Variants in ZMYM6 observed in about 807,000 individuals in gnomAD.
The protein encoded by ZMYM6 is zinc finger MYM-type protein 6.
A neutral mutation model predicts 134.0 loss-of-function variants in ZMYM6; 90 were observed. The observed-to-expected ratio is 0.67, with a 90% confidence interval of 0.57 to 0.80. The LOEUF (loss-of-function observed/expected upper bound fraction) is 0.80, where lower values mean the gene tolerates loss of function less well. ZMYM6 is among the 30% of genes least tolerant of loss of function. The probability of loss-of-function intolerance (pLI) is 0.00; values close to 1 mark genes in which losing one functional copy is unlikely to be tolerated. For missense variants in ZMYM6, 1,362 were observed against 1,533.9 expected, an observed-to-expected ratio of 0.89 and a Z score of 1.87; for synonymous variants, 481 against 524.1, an observed-to-expected ratio of 0.92 and a Z score of 1.12.
chr1:35,010,098 C>T (rs1329377490), intron 10 of ZMYM6, among the ~76,000 whole-genome samples: 2 of 152,106 alleles, frequency 1.3e-5, no homozygotes, highest in African/African-American at 4.8e-5. Context: ...CAACCTCTGC[C>T]TCTGAGGTTC....
Position 35,010,435 on chromosome 1 carries a change from CTT to C in ZMYM6, c.1492+10_1492+11del. The C allele has an allele frequency of 6.2e-7, 1 of 1,600,344 alleles. No homozygotes were observed. Among genetic ancestry groups the C allele is most frequent in the Non-Finnish European group, 8.5e-7 (1 of 1,176,520 alleles). On this transcript the variant is annotated intron_variant, in intron 10 of 15. Coordinates refer to ENST00000357182, the MANE Select transcript of ZMYM6 (RefSeq NM_007167.4). ...AACCCATGCTCTGTGAATAAAACAA[CTT>C]TGTCTTTACCTTCACTACAGAATGG...
At chr1:35,030,208 T>C (rs912094637) in intron 2 of ZMYM6, 15 of 183,480 alleles carry the variant, frequency 8.2e-5, no homozygotes, top group South Asian at 7.2e-4. Context: ...GGTGGGTGGA[T>C]TGCTTGAGCT....
intron 2 of ZMYM6, among the ~76,000 whole-genome samples, chr1:35,027,162 G>A (rs1001344703): frequency 6.6e-6 from 1 of 152,194 alleles, no homozygotes; most frequent in Non-Finnish European, 1.5e-5. Flanking sequence ...ATGCAACCGA[G>A]TTTTAGAAGA....
In ZMYM6 at chr1:34,988,676, A is replaced by G. The variant is rs1371049424; in HGVS notation, c.2406T>C (p.Asp802=). ...KHSELENKPV[D]FFEQKSLEME... ...TTTCTAAAGATTTTTGTTCAAAAAA[A>G]TCTACTGGTTTGTTTTCTAATTCTG... The change falls in exon 16 of 16, where the codon GAT becomes GAC. Residue 802 remains aspartate (D), a synonymous_variant. Transcript: ENST00000357182. 1 of 1,547,854 alleles carries G rather than the reference A, an allele frequency of 6.5e-7. No homozygotes were observed.
At chr1:35,006,013 C>CT (rs1426874393) in intron 12 of ZMYM6, among the ~76,000 whole-genome samples, 1 of 151,954 alleles carries the variant, frequency 6.6e-6, no homozygotes, top group East Asian at 1.9e-4. Flanking sequence ...TAGCAAGTGG[C>CT]TTTTTTTTCT....
rs1641150120 is a variant in ZMYM6, at chr1:35,014,745, G to C, written c.747C>G (p.Cys249Trp). The C allele has an allele frequency of 6.2e-7, 1 of 1,614,124 alleles. No individual in the cohort carries two copies. The highest frequency in any genetic ancestry group is 8.5e-7 in the Non-Finnish European group (1 of 1,180,024). ...GSYCYSSSGP[C>W]QSQKVFSSTS... ...TTGAACTAAAAACCTTCTGGGATTG[G>C]CAAGGACCAGAGCTACTATAGCAAT... Residue 249 changes from cysteine to tryptophan, a missense_variant, in exon 6 of 16, where the codon TGC (cysteine) becomes TGG (tryptophan). Transcript: ENST00000357182.
Position 34,987,519 on chromosome 1 carries a change from A to G in ZMYM6, c.3563T>C (p.Phe1188Ser). ...TTGAGAAAGTCCTTCCAGGTGCTCA[A>G]AAATAATCCTTGTGATGTCTGTCAT... ...LNMTDITRII[F>S]EHLEGLSQVF... Residue 1188 changes from phenylalanine (F) to serine (S), a missense_variant, in exon 16 of 16, where the codon TTT (phenylalanine) becomes TCT (serine). Transcript: ENST00000357182. 1 of 1,613,360 alleles carries G rather than the reference A, an allele frequency of 6.2e-7. No homozygotes were observed. Among genetic ancestry groups the G allele is most frequent in the Non-Finnish European group, 8.5e-7 (1 of 1,179,682 alleles).
intron 14 of ZMYM6, among the ~76,000 whole-genome samples, chr1:35,001,568 T>C (rs1640881892): frequency 6.6e-6 from 1 of 152,164 alleles, no homozygotes; most frequent in Non-Finnish European, 1.5e-5. Context: ...AGAATGTTTT[T>C]ATGAATACAT....
chr1:35,000,209 G>A (rs1018643607), intron 14 of ZMYM6, among the ~76,000 whole-genome samples: 1 of 151,596 alleles, frequency 6.6e-6, no homozygotes, highest in Non-Finnish European at 1.5e-5. Flanking sequence ...GATTACAGGC[G>A]TGAGCCACCA....
In ZMYM6 at chr1:34,988,002, T is replaced by C. The variant is rs934895392; in HGVS notation, c.3080A>G (p.His1027Arg). ...LVAEKLSPCL[H>R]KILLQSAQIL... The stretch of plus-strand genomic sequence containing the variant: ...TTGTGCTGACTGCAAAAGAATTTTA[T>C]GTAAACATGGAGACAACTTTTCTGC... Residue 1027 changes from histidine to arginine, a missense_variant, in exon 16 of 16, where the codon CAT (histidine) becomes CGT (arginine). This residue lies in a region of ZMYM6 where 824 missense variants were observed against 940.9 expected (regional missense o/e 0.88). Coordinates refer to ENST00000357182, the MANE Select transcript of ZMYM6 (RefSeq NM_007167.4). The C allele has an allele frequency of 2.3e-5, 35 of 1,551,292 alleles. No homozygotes were observed. The highest frequency in any genetic ancestry group is 1.7e-4 in the South Asian group (14 of 83,962).
intron 1 of ZMYM6, chr1:35,031,518 T>C (rs1376820043): frequency 6.6e-6 from 1 of 152,240 alleles, no homozygotes; most frequent in Non-Finnish European, 1.5e-5. Flanking sequence ...ATGAGAACTT[T>C]TGCGCACTCG....
In ZMYM6 at chr1:34,987,282, A is replaced by G; in HGVS notation, c.3800T>C (p.Leu1267Pro). ...WINAKTSYPELHERAMKFLLP... is the reference protein window; with the variant it reads ...WINAKTSYPEPHERAMKFLLP... ...TAAAAATTTCATTGCCCTTTCATGGAGTTCTGGGTAACTTGTCTTTGCATT... is the reference window on the plus strand; with the variant it reads ...TAAAAATTTCATTGCCCTTTCATGGGGTTCTGGGTAACTTGTCTTTGCATT... Residue 1267 changes from leucine (L) to proline (P), a missense_variant, in exon 16 of 16, where the codon CTC becomes CCC. By Grantham distance (98) the Leu-to-Pro change is moderately conservative. Coordinates refer to ENST00000357182, the MANE Select transcript of ZMYM6 (RefSeq NM_007167.4). 1 of 1,612,612 alleles carries G rather than the reference A, an allele frequency of 6.2e-7. No individual in the cohort carries two copies. Among genetic ancestry groups the G allele is most frequent in the Non-Finnish European group, 8.5e-7 (1 of 1,179,426 alleles).
chr1:34,997,307 TTTTTG>T (rs745873411), intron 14 of ZMYM6, among the ~76,000 whole-genome samples: 10 of 152,132 alleles, frequency 6.6e-5, no homozygotes, highest in African/African-American at 2.2e-4. Context: ...GGATTTTTTG[TTTTTG>T]TTTTGTTTTT....
At chr1:35,011,807 G>C in intron 8 of ZMYM6, 83 bp downstream of exon 8, 1 of 970,888 alleles carries the variant, frequency 1.0e-6, no homozygotes, top group African/African-American at 1.7e-5. Flanking sequence ...ACTTTCATAA[G>C]AACAGGCCTT....
At chr1:35,003,905 A>C in intron 14 of ZMYM6, 63 bp downstream of exon 14, 1 of 1,427,398 alleles carries the variant, frequency 7.0e-7, no homozygotes, top group South Asian at 1.2e-5. Context: ...TTAGAATGCC[A>C]TATCCAAAGT....
chr1:35,021,286 T>G (rs1260395478), intron 2 of ZMYM6, among the ~76,000 whole-genome samples: 1 of 151,226 alleles, frequency 6.6e-6, no homozygotes, highest in African/African-American at 2.4e-5. Flanking sequence ...GAATACAGGC[T>G]TGCGCTACCA....
At chr1:35,027,726 A>T (rs539195376) in intron 2 of ZMYM6, among the ~76,000 whole-genome samples, 2 of 152,306 alleles carry the variant, frequency 1.3e-5, no homozygotes, top group East Asian at 3.9e-4. Flanking sequence ...TGTCTCAAAA[A>T]AAGGAAACAA....
chr1:35,020,553 T>C (rs1641289371), intron 2 of ZMYM6, 86 bp from the exon 3 acceptor site: 5 of 623,532 alleles, frequency 8.0e-6, no homozygotes, highest in Admixed American at 7.3e-5. Flanking sequence ...AAAATTATTC[T>C]ATCCTATTCA....
chr1:35,001,596 T>C (rs1034397078), intron 14 of ZMYM6, among the ~76,000 whole-genome samples: 3 of 152,166 alleles, frequency 2.0e-5, no homozygotes, highest in Non-Finnish European at 4.4e-5. Context: ...CTTACTAATA[T>C]ATAATACATT....
Sources: gnomAD v4.1 joint callset for allele counts (sites outside exome capture counted in the v4.1 genomes callset) on GRCh38, gnomAD v4.1.1 for gene constraint, gnomAD v4.1.1 regional missense constraint, MANE v1.5 for transcripts, NCBI Gene and HGNC (gene_info 2026-07-23, HGNC 2026-07-21) for gene names.